The following TTC38 variants were observed in gnomAD, a reference collection of about 807,000 sequenced individuals.
TTC38 encodes tetratricopeptide repeat domain 38, also known as tetratricopeptide repeat protein 38.
TTC38 carries 64 observed loss-of-function variants against 64.2 expected under a neutral mutation model. The ratio of observed to expected loss-of-function variants is 1.00; its 90% CI spans 0.81 to 1.23. The LOEUF is 1.23. Among genes scored for constraint, TTC38 ranks in the 50% most tolerant of loss-of-function variants. The probability of loss-of-function intolerance (pLI) is 0.00; values close to 1 mark genes in which losing one functional copy is unlikely to be tolerated. For missense variants in TTC38, 573 were observed against 615.5 expected, an observed-to-expected ratio of 0.93 and a Z score of 0.73; for synonymous variants, 254 against 249.3, an observed-to-expected ratio of 1.02 and a Z score of -0.18.
At position 46,271,464 on chromosome 22, in the gene TTC38, C is replaced by T. The variant is rs544394938; in HGVS notation, c.112-871C>T. Among the ~76,000 whole-genome samples the T allele has an allele frequency of 2.6e-4, 39 of 152,174 alleles. No homozygotes were observed. In the South Asian group the frequency reaches 2.7e-3, roughly 11 times the overall value. ...TCCTGACCTCATGATCCGCCCACCTCGGCCTCCCAAAGTGCTGGGCTTACA... is the reference window on the plus strand; with the variant it reads ...TCCTGACCTCATGATCCGCCCACCTTGGCCTCCCAAAGTGCTGGGCTTACA... On this transcript the variant is annotated intron_variant, in intron 2 of 13. Transcript: ENST00000381031. The surrounding 1 kb of genome is among the most constrained non-coding windows in gnomAD (Gnocchi z 5.5).
rs1427236194 is a variant in TTC38, at chr22:46,273,449, C to T, written c.194-449C>T. On this transcript the variant is annotated intron_variant, in intron 3 of 13. Transcript: ENST00000381031. This position sits in a 1 kb window ranked among gnomAD's most constrained non-coding sequence, Gnocchi z 5.1. ...GAGGGCCACAAGGCACTCACCCCCA[C>T]CCTAACTTTTAGCATGTGTGAGCAG... 6.6e-6 allele frequency among the ~76,000 whole-genome samples: 1 copy of T among 152,224 alleles called. No individual in the cohort carries two copies. The highest frequency in any genetic ancestry group is 2.4e-5 in the African/African-American group (1 of 41,454).
rs1936871893 is a variant in TTC38 at position 46,270,520 on chromosome 22, C to T, written c.112-1815C>T. On this transcript the variant is annotated intron_variant, in intron 2 of 13. Coordinates refer to ENST00000381031, the MANE Select transcript of TTC38 (RefSeq NM_017931.4). This position sits in a 1 kb window ranked among gnomAD's most constrained non-coding sequence, Gnocchi z 4.7. ...AGGCATTTGAGTAAAGGACCAGGTA[C>T]AAATACAGCAAATTGTTAAAAATGA... Among the ~76,000 whole-genome samples the T allele has an allele frequency of 6.6e-6, 1 of 152,074 alleles. No individual in the cohort carries two copies. The highest frequency in any genetic ancestry group is 2.4e-5 in the African/African-American group (1 of 41,396).
chr22:46,281,811 G>T lies in TTC38; in HGVS notation c.735+93G>T. 1 of 1,551,854 alleles carries T rather than the reference G, an allele frequency of 6.4e-7. No individual in the cohort carries two copies. Reference sequence around the variant, plus strand: ...TTTATGGACAAGAGTTACAGGGCATGGCTTAATTCTCGGGGTTCCCTCTCC... The same window carrying T: ...TTTATGGACAAGAGTTACAGGGCATTGCTTAATTCTCGGGGTTCCCTCTCC... On this transcript the variant is annotated intron_variant, in intron 7 of 13. Transcript: ENST00000381031. The surrounding 1 kb of genome is among the most constrained non-coding windows in gnomAD (Gnocchi z 5.2).
At position 46,271,899 on chromosome 22, in the gene TTC38, C is replaced by T. The variant is rs2050558698; in HGVS notation, c.112-436C>T. Among the ~76,000 whole-genome samples, 1 of 152,170 alleles carries T rather than the reference C, an allele frequency of 6.6e-6. No homozygotes were observed. Among genetic ancestry groups the T allele is most frequent in the South Asian group, 2.1e-4 (1 of 4,834 alleles). ...TTGGGTGATGTGTATTTCATTTCTT[C>T]GTATGAAGAAAGTTATCAGCCAGGT... On this transcript the variant is annotated intron_variant, in intron 2 of 13. Transcript: ENST00000381031. This position sits in a 1 kb window ranked among gnomAD's most constrained non-coding sequence, Gnocchi z 5.5.
chr22:46,290,460 G>A (rs1437613069), intron 13 of TTC38, among the ~76,000 whole-genome samples: 5 of 128,620 alleles, frequency 3.9e-5, no homozygotes, highest in Non-Finnish European at 7.2e-5. Flanking sequence ...GCCAGGCATG[G>A]GGCTGGTAGG....
In TTC38 at chr22:46,274,829, T is replaced by G. The variant is rs572729180; in HGVS notation, c.366-419T>G. Among the ~76,000 whole-genome samples the G allele has an allele frequency of 2.0e-5, 3 of 152,306 alleles. No homozygotes were observed. The highest frequency in any genetic ancestry group is 6.5e-5 in the Admixed American group (1 of 15,304). On this transcript the variant is annotated intron_variant, in intron 4 of 13. Coordinates refer to ENST00000381031, the MANE Select transcript of TTC38 (RefSeq NM_017931.4). This position sits in a 1 kb window ranked among gnomAD's most constrained non-coding sequence, Gnocchi z 4.8. Reference sequence around the variant, plus strand: ...TCACAACCTAACATAGAAAGTGATTTTTTTACATTTATTTATTTAGAGTTT... The same window carrying G: ...TCACAACCTAACATAGAAAGTGATTGTTTTACATTTATTTATTTAGAGTTT...
chr22:46,281,096 C>T lies in TTC38; in HGVS notation c.616-503C>T, dbSNP rs369603649. Among the ~76,000 whole-genome samples the T allele has an allele frequency of 3.3e-5, 5 of 152,222 alleles. No homozygotes were observed. The highest frequency in any genetic ancestry group is 7.3e-5 in the Non-Finnish European group (5 of 68,054). ...AGCTGTTTCTGCACCCAGAAAGCCA[C>T]GTGTCCTCACATATATGGTAGTGGG... On this transcript the variant is annotated intron_variant, in intron 6 of 13. Coordinates refer to ENST00000381031, the MANE Select transcript of TTC38 (RefSeq NM_017931.4). This position sits in a 1 kb window ranked among gnomAD's most constrained non-coding sequence, Gnocchi z 5.2.
rs954155537 is a variant in TTC38, at chr22:46,272,790, C to A, written c.193+374C>A. 6.6e-6 allele frequency among the ~76,000 whole-genome samples: 1 copy of A among 152,116 alleles called. No individual in the cohort carries two copies. The highest frequency in any genetic ancestry group is 2.4e-5 in the African/African-American group (1 of 41,408). On this transcript the variant is annotated intron_variant, in intron 3 of 13. Transcript: ENST00000381031. This position sits in a 1 kb window ranked among gnomAD's most constrained non-coding sequence, Gnocchi z 6.4. ...AGATAAAGCTTCCTGAATCCAAGGC[C>A]CAGACCCCTGGAACATGAGAGGTGG...
intron 7 of TTC38, among the ~76,000 whole-genome samples, chr22:46,283,045 C>G (rs186150214): frequency 6.6e-6 from 1 of 152,318 alleles, no homozygotes; most frequent in Admixed American, 6.5e-5. Context: ...CCTTCCACCT[C>G]GGCCTCCCAA....
intron 2 of TTC38, chr22:46,269,094 C>CA (rs1209238451): frequency 9.5e-6 from 4 of 420,828 alleles, no homozygotes; most frequent in South Asian, 1.7e-5. Flanking sequence ...CTCTGCCCCC[C>CA]CCCCACAGCG....
At chr22:46,289,282 A>G in intron 11 of TTC38, 120 bp from the exon 12 acceptor site, 1 of 1,259,994 alleles carries the variant, frequency 7.9e-7, no homozygotes, top group African/African-American at 1.5e-5. Context: ...ACCTCACCTC[A>G]TCAGTGTGGC....
intron 9 of TTC38, among the ~76,000 whole-genome samples, chr22:46,285,766 A>G (rs1234423769): frequency 1.3e-5 from 2 of 152,026 alleles, no homozygotes; most frequent in Admixed American, 6.6e-5. Context: ...TAATCCCAGT[A>G]ATTTGGGAGT....
At chr22:46,277,115 T>C (rs867226604) in intron 5 of TTC38, among the ~76,000 whole-genome samples, 7 of 150,326 alleles carry the variant, frequency 4.7e-5, no homozygotes, top group Admixed American at 2.0e-4. Flanking sequence ...TGGAAGCCAG[T>C]GCTTAAGAAC....
chr22:46,285,757 A>G (rs911407323), intron 9 of TTC38, among the ~76,000 whole-genome samples: 1 of 152,064 alleles, frequency 6.6e-6, no homozygotes, highest in Non-Finnish European at 1.5e-5. Context: ...TCACACCTGT[A>G]ATCCCAGTAA....
intron 13 of TTC38, among the ~76,000 whole-genome samples, chr22:46,290,937 G>A (rs1350941329): frequency 6.6e-6 from 1 of 152,190 alleles, no homozygotes; most frequent in African/African-American, 2.4e-5. Flanking sequence ...GGAGTCATGG[G>A]GTGCCTGGTG....
In TTC38 at chr22:46,293,534, G is replaced by A. The variant is rs1445995792; in HGVS notation, c.*650G>A. 1 of 152,294 alleles carries A rather than the reference G, an allele frequency of 6.6e-6. No homozygotes were observed. Among genetic ancestry groups the A allele is most frequent in the Admixed American group, 6.5e-5 (1 of 15,300 alleles). The allele number at this position is 152,294 out of a possible 1,614,324, so 9.4% of individuals were successfully genotyped here. A position where few individuals can be genotyped will look rare whatever the true frequency, so the allele number is the denominator to read the frequency against. ...TGCTGTCTCTGGGGCGAGTCTTGGA[G>A]CCCCCTGGGGGGCTCTGTTGGTGCT... On this transcript the variant is annotated 3_prime_UTR_variant, in exon 14 of 14. Coordinates refer to ENST00000381031, the MANE Select transcript of TTC38 (RefSeq NM_017931.4). The surrounding 1 kb of genome is among the most constrained non-coding windows in gnomAD (Gnocchi z 6.6).
rs1298698701 is a variant in TTC38, at chr22:46,282,436, T to C, written c.735+718T>C. On this transcript the variant is annotated intron_variant, in intron 7 of 13. Transcript: ENST00000381031. This position sits in a 1 kb window ranked among gnomAD's most constrained non-coding sequence, Gnocchi z 4.4. ...GGTGGGCCCTCTGGACAGACGGGGC[T>C]GCATCAGGTGAGCCTATTGGGCTCA... Among the ~76,000 whole-genome samples the C allele has an allele frequency of 6.6e-6, 1 of 152,188 alleles. No individual in the cohort carries two copies. The highest frequency in any genetic ancestry group is 1.5e-5 in the Non-Finnish European group (1 of 68,014).
At chr22:46,268,213 C>A (rs1936805751) in intron 1 of TTC38, 141 bp downstream of exon 1, 1 of 957,672 alleles carries the variant, frequency 1.0e-6, no homozygotes, top group Non-Finnish European at 1.5e-6. Context: ...TCCGCGGCAA[C>A]GCCTGGAAGG....
At position 46,271,134 on chromosome 22, in the gene TTC38, G is replaced by A. The variant is rs1936885915; in HGVS notation, c.112-1201G>A. On this transcript the variant is annotated intron_variant, in intron 2 of 13. Coordinates refer to ENST00000381031, the MANE Select transcript of TTC38 (RefSeq NM_017931.4). The surrounding 1 kb of genome is among the most constrained non-coding windows in gnomAD (Gnocchi z 5.5). ...TTTTAAAACGAATGAATAAGAAGCA[G>A]GAATATTCCTATCGTGACCAACTTC... is the stretch of plus-strand genomic sequence containing the variant. Among the ~76,000 whole-genome samples, 1 of 152,246 alleles carries A rather than the reference G, an allele frequency of 6.6e-6. No homozygotes were observed. The highest frequency in any genetic ancestry group is 6.5e-5 in the Admixed American group (1 of 15,292).
Sources: allele counts gnomAD v4.1 joint callset (sites outside exome capture counted in the v4.1 genomes callset), GRCh38; gene constraint gnomAD v4.1.1; non-coding constraint Gnocchi (gnomAD v3.1); transcripts MANE v1.5; gene names NCBI Gene and HGNC (gene_info 2026-07-23, HGNC 2026-07-21).